Variants in AMPD3 observed in about 807,000 individuals in gnomAD.
AMPD3 encodes adenosine monophosphate deaminase 3.
In AMPD3, 57 loss-of-function variants were observed where a neutral mutation model predicts 82.3. That is an observed-to-expected ratio of 0.69 (90% CI 0.56 to 0.86). The LOEUF (loss-of-function observed/expected upper bound fraction) is 0.86. AMPD3 is among the 40% of genes least tolerant of loss of function. The pLI is 0.00. For missense variants in AMPD3, 870 were observed against 1,003.8 expected (o/e 0.87, Z 1.80); for synonymous variants, 381 against 394.7 (o/e 0.97, Z 0.41).
rs1473096268 is a variant in AMPD3 at position 10,482,069 on chromosome 11, T to G, written c.433T>G (p.Leu145Val). Residue 145 changes from leucine to valine, a missense_variant, in exon 4 of 15, where the codon TTG becomes GTG. Transcript: ENST00000396553. ...GCCTGCCTCCCTTCTGCAGATCACTTTGGAGGACTATGAGCAGGCAGCCAA... is the reference window on the plus strand; with the variant it reads ...GCCTGCCTCCCTTCTGCAGATCACTGTGGAGGACTATGAGCAGGCAGCCAA... ...ISGDYCAGIT[L>V]EDYEQAAKSL... 2 of 1,614,174 alleles carry G rather than the reference T, an allele frequency of 1.2e-6. No individual in the cohort carries two copies. The highest frequency in any genetic ancestry group is 2.2e-5 in the South Asian group (2 of 91,080).
chr11:10,496,345 G>C (rs961838017), intron 9 of AMPD3: 155 of 985,462 alleles, frequency 1.6e-4, no homozygotes, highest in Middle Eastern at 1.6e-3. Flanking sequence ...TATGGGGAGA[G>C]CTGTAGTGGT....
chr11:10,486,364 A>G (rs537242596), intron 5 of AMPD3, among the ~76,000 whole-genome samples: 15 of 152,244 alleles, frequency 9.9e-5, no homozygotes, highest in African/African-American at 3.6e-4. Flanking sequence ...GGGCCTGAGG[A>G]AGCAGGGTAG....
At chr11:10,458,945 G>A (rs147583663) in intron 1 of AMPD3, among the ~76,000 whole-genome samples, 2 of 152,130 alleles carry the variant, frequency 1.3e-5, no homozygotes, top group Non-Finnish European at 2.9e-5. Flanking sequence ...TTGGAATAAG[G>A]GGGGAGGTGA....
chr11:10,455,374 C>T lies in AMPD3; in HGVS notation c.-80C>T. The T allele has an allele frequency of 2.0e-6, 2 of 985,442 alleles. No homozygotes were observed. Among genetic ancestry groups the T allele is most frequent in the Non-Finnish European group, 2.4e-6 (2 of 829,988 alleles). 61.0% of individuals were successfully genotyped at this position (985,442 alleles called of 1,614,324 possible). A position where few individuals can be genotyped will look rare whatever the true frequency, so the allele number is the denominator to read the frequency against. ...CCTGTGGGTCACTTGAGGCAGGCTC[C>T]ACCTTCCCCAGGAGGAGTGGCAGAG... On this transcript the variant is annotated 5_prime_UTR_variant, in exon 1 of 15. Coordinates refer to ENST00000396553, the MANE Select transcript of AMPD3 (RefSeq NM_001025389.2).
rs1446342474 is a variant in AMPD3, at chr11:10,496,877, C to T, written c.1496C>T (p.Pro499Leu). 6.8e-6 allele frequency: 11 copies of T among 1,613,924 alleles called. No homozygotes were observed. Among genetic ancestry groups the T allele is most frequent in the South Asian group, 1.1e-5 (1 of 91,078 alleles). Reference sequence around the variant, plus strand: ...AAGATGCTGGAGAACATCTTCCTGCCCCTTTTCAAGGCCACTATCAACCCC... The same window carrying T: ...AAGATGCTGGAGAACATCTTCCTGCTCCTTTTCAAGGCCACTATCAACCCC... Reference protein sequence around the residue: ...FGKMLENIFLPLFKATINPQD... With the variant: ...FGKMLENIFLLLFKATINPQD... The change falls in exon 10 of 15, where the codon CCC becomes CTC. Residue 499 changes from proline (P) to leucine (L), a missense_variant. Coordinates refer to ENST00000396553, the MANE Select transcript of AMPD3 (RefSeq NM_001025389.2).
In AMPD3 at chr11:10,496,901, C is replaced by T; in HGVS notation, c.1520C>T (p.Pro507Leu). 1 of 1,614,100 alleles carries T rather than the reference C, an allele frequency of 6.2e-7. No homozygotes were observed. The highest frequency in any genetic ancestry group is 8.5e-7 in the Non-Finnish European group (1 of 1,180,002). ...CCCCTTTTCAAGGCCACTATCAACC[C>T]CCAAGATCATCGAGAGCTTCACCTC... ...FLPLFKATIN[P>L]QDHRELHLFL... Residue 507 changes from proline (P) to leucine (L), a missense_variant, in exon 10 of 15, where the codon CCC (proline) becomes CTC (leucine). Transcript: ENST00000396553.
At chr11:10,496,454 T>G (rs1276702829) in intron 9 of AMPD3, 2 of 984,844 alleles carry the variant, frequency 2.0e-6, no homozygotes, top group African/African-American at 3.5e-5. Context: ...TGGGCTGGGG[T>G]ATGTGGTTTA....
At chr11:10,475,859 C>T (rs1848722569) in intron 2 of AMPD3, among the ~76,000 whole-genome samples, 4 of 152,116 alleles carry the variant, frequency 2.6e-5, no homozygotes, top group Admixed American at 2.6e-4. Flanking sequence ...CCTGGGACTC[C>T]AGCCTTGTGG....
At position 10,502,778 on chromosome 11, in the gene AMPD3, C is replaced by T. The variant is rs763051182; in HGVS notation, c.1900C>T (p.Leu634Phe). Residue 634 changes from leucine to phenylalanine, a missense_variant, in exon 13 of 15, where the codon CTT becomes TTT. Physicochemically the swap from Leu to Phe is conservative, Grantham distance 22 (BLOSUM62 0). Coordinates refer to ENST00000396553, the MANE Select transcript of AMPD3 (RefSeq NM_001025389.2). ...LAQIPIAMSP[L>F]SNNSLFLEYS... is the part of the protein sequence containing the mutation. The stretch of plus-strand genomic sequence containing the variant: ...TCAGATCCCCATTGCCATGTCTCCT[C>T]TTAGCAACAACAGTTTGTTCCTCGA... 6 of 1,614,102 alleles carry T rather than the reference C, an allele frequency of 3.7e-6. No individual in the cohort carries two copies. The East Asian group carries it at 1.3e-4, about 36-fold the overall frequency.
rs1463784602 is a variant in AMPD3, at chr11:10,472,291, T to TG, written c.222-6229dup. Among the ~76,000 whole-genome samples, 6 of 144,928 alleles carry TG rather than the reference T, an allele frequency of 4.1e-5. No homozygotes were observed. The East Asian group carries it at 1.0e-3, about 24-fold the overall frequency. ...GAGAACATCACACACTGGGGCCTGTTGGGGGGTGAGGGGCTAGGGGAGGGA... is the reference window on the plus strand; with the variant it reads ...GAGAACATCACACACTGGGGCCTGTTGGGGGGGTGAGGGGCTAGGGGAGGGA... On this transcript the variant is annotated intron_variant, in intron 2 of 14. Transcript: ENST00000396553.
At chr11:10,461,064 G>A (rs1036809660) in intron 1 of AMPD3, 5 of 1,165,968 alleles carry the variant, frequency 4.3e-6, no homozygotes, top group African/African-American at 1.6e-5. Context: ...GTAATCTTGT[G>A]CGACCTTAGC....
chr11:10,494,961 T>C lies in AMPD3; in HGVS notation c.1197T>C (p.Ser399=). 1 of 1,613,688 alleles carries C rather than the reference T, an allele frequency of 6.2e-7. No individual in the cohort carries two copies. The highest frequency in any genetic ancestry group is 8.5e-7 in the Non-Finnish European group (1 of 1,179,536). ...FNSKYNPVGA[S]ELRDLYLKTE... ...CCAAATACAACCCTGTGGGGGCCAG[T>C]GAGCTGCGTGACCTGTATTTGAAAA... The change falls in exon 8 of 15, where the codon AGT becomes AGC. Residue 399 remains serine, a synonymous_variant. Transcript: ENST00000396553.
chr11:10,493,218 C>T (rs1018993061), intron 6 of AMPD3, 131 bp from the exon 7 acceptor site: 1 of 1,059,774 alleles, frequency 9.4e-7, no homozygotes, highest in African/African-American at 1.5e-5. Context: ...GGGTGGGATC[C>T]AGACACTGGT....
intron 13 of AMPD3, chr11:10,503,840 A>G (rs1554902011): frequency 2.8e-6 from 1 of 358,290 alleles, no homozygotes; most frequent in Non-Finnish European, 3.9e-6. Flanking sequence ...TCATGAAAAT[A>G]CATAATTGGA....
chr11:10,475,658 G>T (rs1429485676), intron 2 of AMPD3, among the ~76,000 whole-genome samples: 3 of 152,130 alleles, frequency 2.0e-5, no homozygotes, highest in Non-Finnish European at 4.4e-5. Flanking sequence ...GGGGGTTATT[G>T]GTAGGCCTGA....
chr11:10,473,643 C>T, intron 2 of AMPD3: 2 of 968,100 alleles, frequency 2.1e-6, no homozygotes, highest in Non-Finnish European at 2.5e-6. Flanking sequence ...TCTCTGTGCG[C>T]CCCTGCTCTC....
At chr11:10,502,122 C>T (rs1849597361) in intron 12 of AMPD3, 10 of 985,314 alleles carry the variant, frequency 1.0e-5, no homozygotes, top group African/African-American at 1.7e-5. Context: ...ATACAGTCTT[C>T]TCCGTATTTT....
chr11:10,494,597 A>G lies in AMPD3; in HGVS notation c.1135-302A>G, dbSNP rs77885010. The G allele has an allele frequency of 5.2e-4, 510 of 985,386 alleles. 3 individuals carry two copies. In the African/African-American group the frequency reaches 8.1e-3, roughly 16 times the overall value. The allele number at this position is 985,386 out of a possible 1,614,324, so 61.0% of individuals were successfully genotyped here. On this transcript the variant is annotated intron_variant, in intron 7 of 14. Coordinates refer to ENST00000396553, the MANE Select transcript of AMPD3 (RefSeq NM_001025389.2). ...TGTGAGTAGTGATAGGGAATGTTCT[A>G]TTATTCAGTGGTGCAGCCTCTCTGC... is the stretch of plus-strand genomic sequence containing the variant.
chr11:10,464,475 G>A (rs1371080483), intron 2 of AMPD3, among the ~76,000 whole-genome samples: 2 of 152,156 alleles, frequency 1.3e-5, no homozygotes, highest in African/African-American at 4.8e-5. Context: ...CCCTCTTCAG[G>A]TAGGGGTGGA....
Sources: gnomAD v4.1 joint callset for allele counts (sites outside exome capture counted in the v4.1 genomes callset) on GRCh38, gnomAD v4.1.1 for gene constraint, MANE v1.5 for transcripts, NCBI Gene and HGNC (gene_info 2026-07-23, HGNC 2026-07-21) for gene names.